PTPN5: variants seen among roughly 807,000 people sequenced by gnomAD.
PTPN5 encodes the protein tyrosine-protein phosphatase non-receptor type 5.
In PTPN5, 29 loss-of-function variants were observed where a neutral mutation model predicts 73.9. The observed-to-expected ratio is 0.39, with a 90% CI of 0.29 to 0.54. The LOEUF (loss-of-function observed/expected upper bound fraction) is 0.54. Ranked by LOEUF, PTPN5 falls within the 20% of genes least tolerant of loss-of-function variation. PTPN5 has a pLI of 0.65. For missense variants in PTPN5, 652 were observed against 751.4 expected (o/e 0.87, Z 1.55); for synonymous variants, 267 against 304.7 (o/e 0.88, Z 1.29).
chr11:18,762,718 T>C (rs1380276749), intron 3 of PTPN5, among the ~76,000 whole-genome samples: 1 of 152,250 alleles, frequency 6.6e-6, no homozygotes, highest in African/African-American at 2.4e-5. Context: ...GGCACTGTTC[T>C]AAGCTTTCTG....
At chr11:18,773,596 T>G (rs1851012558) in intron 1 of PTPN5, among the ~76,000 whole-genome samples, 1 of 152,110 alleles carries the variant, frequency 6.6e-6, no homozygotes, top group Admixed American at 6.5e-5. Flanking sequence ...GTCACAGCAG[T>G]GGGTCAGAGT....
intron 1 of PTPN5, among the ~76,000 whole-genome samples, chr11:18,777,952 A>C (rs181079339): frequency 1.4e-5 from 2 of 144,518 alleles, no homozygotes; most frequent in East Asian, 4.1e-4. Flanking sequence ...CAGAAAAAGA[A>C]AGGAAGAAAG....
intron 1 of PTPN5, among the ~76,000 whole-genome samples, chr11:18,775,199 C>A (rs12792107): frequency 0.082 from 12,511 of 152,276 alleles, 1,333 homozygotes; most frequent in African/African-American, 0.25. Context: ...CCCCCATTGC[C>A]CACATTCCTA....
intron 2 of PTPN5, among the ~76,000 whole-genome samples, chr11:18,767,083 A>T (rs1305739563): frequency 6.6e-6 from 1 of 152,118 alleles, no homozygotes; most frequent in Non-Finnish European, 1.5e-5. Context: ...GTGGGATGTG[A>T]TTTCTGAAAC....
At chr11:18,779,690 C>A (rs867590730) in intron 1 of PTPN5, among the ~76,000 whole-genome samples, 4 of 152,134 alleles carry the variant, frequency 2.6e-5, no homozygotes, top group African/African-American at 9.7e-5. Flanking sequence ...GGGCCCAGGG[C>A]AGGCTGTCAA....
chr11:18,789,331 A>C (rs1851809584), intron 1 of PTPN5, among the ~76,000 whole-genome samples: 1 of 152,172 alleles, frequency 6.6e-6, no homozygotes, highest in Non-Finnish European at 1.5e-5. Flanking sequence ...CCCACCGCCA[A>C]ATAGTTCATA....
chr11:18,742,241 C>G lies in PTPN5; in HGVS notation c.725+21G>C. 1 of 1,613,064 alleles carries G rather than the reference C, an allele frequency of 6.2e-7. No homozygotes were observed. Among genetic ancestry groups the G allele is most frequent in the Non-Finnish European group, 8.5e-7 (1 of 1,179,202 alleles). On this transcript the variant is annotated intron_variant, in intron 7 of 14. Transcript: ENST00000358540. The surrounding 1 kb of genome is among the most constrained non-coding windows in gnomAD (Gnocchi z 4.1). ...AGAGCTCAAGGGCCCGTGGAGCCCA[C>G]CCCTCCTCCACCCCTCCCACCTCTC...
chr11:18,780,265 A>T (rs1447582775), intron 1 of PTPN5, among the ~76,000 whole-genome samples: 2 of 152,188 alleles, frequency 1.3e-5, no homozygotes, highest in Non-Finnish European at 2.9e-5. Flanking sequence ...CAGGTCCCCA[A>T]GTCAGACCCA....
chr11:18,788,748 G>A (rs1851782469), intron 1 of PTPN5, among the ~76,000 whole-genome samples: 1 of 152,190 alleles, frequency 6.6e-6, no homozygotes, highest in South Asian at 2.1e-4. Flanking sequence ...TTCAGAATCT[G>A]GAGTCAGATC....
chr11:18,780,527 C>A (rs748677849), intron 1 of PTPN5, among the ~76,000 whole-genome samples: 35 of 152,148 alleles, frequency 2.3e-4, no homozygotes, highest in African/African-American at 7.7e-4. Context: ...GGCCTTCCTG[C>A]TCCTCCTCTT....
intron 9 of PTPN5, 77 bp downstream of exon 9, chr11:18,737,803 A>G (rs772072481): frequency 6.2e-5 from 80 of 1,292,314 alleles, no homozygotes; most frequent in Non-Finnish European, 8.6e-5. Flanking sequence ...GGCCCAGCTG[A>G]GGGTCCTCCT....
Position 18,733,725 on chromosome 11 carries a change from C to G in PTPN5, c.1001-90G>C, listed in dbSNP as rs1199914847. On this transcript the variant is annotated intron_variant, in intron 9 of 14. Transcript: ENST00000358540. The surrounding 1 kb of genome is among the most constrained non-coding windows in gnomAD (Gnocchi z 4.3). ...GGCCTATTCCAGCATACCCACACTTCTTCTGCGACATTAGCAGTTCTTCCT... is the reference window on the plus strand; with the variant it reads ...GGCCTATTCCAGCATACCCACACTTGTTCTGCGACATTAGCAGTTCTTCCT... The G allele has an allele frequency of 1.8e-6, 2 of 1,109,896 alleles. No individual in the cohort carries two copies. The highest frequency in any genetic ancestry group is 2.7e-6 in the Non-Finnish European group (2 of 727,332). The allele number at this position is 1,109,896 out of a possible 1,614,324, so 68.8% of individuals were successfully genotyped here.
At chr11:18,743,221 T>C in intron 5 of PTPN5, 101 bp downstream of exon 5, 3 of 1,279,728 alleles carry the variant, frequency 2.3e-6, no homozygotes, top group Non-Finnish European at 3.4e-6. Flanking sequence ...CTTGGAAGTA[T>C]CTTCTGAACT....
chr11:18,732,423 G>C (rs1442876476), intron 12 of PTPN5, among the ~76,000 whole-genome samples, 169 bp downstream of exon 12: 1 of 152,100 alleles, frequency 6.6e-6, no homozygotes, highest in Non-Finnish European at 1.5e-5. Flanking sequence ...TCTACCTCTG[G>C]CTCCCAAGTC....
intron 2 of PTPN5, among the ~76,000 whole-genome samples, chr11:18,766,725 G>A (rs756088046): frequency 6.6e-6 from 1 of 152,176 alleles, no homozygotes; most frequent in Non-Finnish European, 1.5e-5. Context: ...TTGACTCACA[G>A]GGGGTCCCCT....
At chr11:18,759,311 G>C (rs531209197) in intron 3 of PTPN5, among the ~76,000 whole-genome samples, 1 of 152,184 alleles carries the variant, frequency 6.6e-6, no homozygotes, top group Non-Finnish European at 1.5e-5. Flanking sequence ...AAATCTCTGT[G>C]AAGATGTCAT....
rs117408404 is a variant in PTPN5 at position 18,733,436 on chromosome 11, A to C, written c.1081-64T>G. ...AGTGCTCCCAGGACCCCATCCCCACACTCAGGCTCTTCACAGGAGCTGGCA... is the reference window on the plus strand; with the variant it reads ...AGTGCTCCCAGGACCCCATCCCCACCCTCAGGCTCTTCACAGGAGCTGGCA... On this transcript the variant is annotated intron_variant, in intron 10 of 14. Coordinates refer to ENST00000358540, the MANE Select transcript of PTPN5 (RefSeq NM_006906.2). The surrounding 1 kb of genome is among the most constrained non-coding windows in gnomAD (Gnocchi z 4.3). 9.3e-6 allele frequency: 15 copies of C among 1,609,620 alleles called. No homozygotes were observed. In the East Asian group the frequency reaches 2.9e-4, roughly 31 times the overall value.
intron 1 of PTPN5, among the ~76,000 whole-genome samples, chr11:18,772,433 C>G (rs1489848648): frequency 6.6e-6 from 1 of 152,188 alleles, no homozygotes; most frequent in Non-Finnish European, 1.5e-5. Flanking sequence ...AGCTGCCTAC[C>G]CTCCTTGCCC....
At chr11:18,782,374 T>C (rs1851477203) in intron 1 of PTPN5, among the ~76,000 whole-genome samples, 1 of 151,960 alleles carries the variant, frequency 6.6e-6, no homozygotes, top group Admixed American at 6.6e-5. Flanking sequence ...ACTACAGGTG[T>C]GTACCACCAT....
Sources: allele counts gnomAD v4.1 joint callset (sites outside exome capture counted in the v4.1 genomes callset), GRCh38; gene constraint gnomAD v4.1.1; non-coding constraint Gnocchi (gnomAD v3.1); transcripts MANE v1.5; gene names NCBI Gene and HGNC (gene_info 2026-07-23, HGNC 2026-07-21).